Variants in ABCA10 observed in about 807,000 individuals in gnomAD.
The protein encoded by ABCA10 is ATP binding cassette subfamily A member 10.
A neutral mutation model predicts 187.5 loss-of-function variants in ABCA10; 169 were observed. The observed-to-expected ratio is 0.90, with a 90% CI of 0.80 to 1.02. The LOEUF (loss-of-function observed/expected upper bound fraction) is 1.02. Among genes scored for constraint, ABCA10 ranks in the 50% least tolerant of loss-of-function variants. ABCA10 has a pLI of 0.00. For synonymous variants in ABCA10, 574 were observed against 601.8 expected (o/e 0.95, Z 0.68); for missense variants, 1,727 against 1,812.4 (o/e 0.95, Z 0.86).
chr17:69,200,880 T>A (rs889573115), intron 10 of ABCA10, among the ~76,000 whole-genome samples: 1 of 152,144 alleles, frequency 6.6e-6, no homozygotes, highest in African/African-American at 2.4e-5. Flanking sequence ...GCCTGGCTAA[T>A]TTTTGTATTT....
At chr17:69,212,335 G>A (rs867248233) in intron 9 of ABCA10, among the ~76,000 whole-genome samples, 9 of 152,246 alleles carry the variant, frequency 5.9e-5, no homozygotes, top group South Asian at 2.1e-4. Flanking sequence ...ACTGTGGTCT[G>A]AGACAGTGCT....
intron 3 of ABCA10, among the ~76,000 whole-genome samples, chr17:69,224,468 A>C (rs2074776513): frequency 6.6e-6 from 1 of 152,134 alleles, no homozygotes; most frequent in Non-Finnish European, 1.5e-5. Context: ...GCAGGAGCAA[A>C]GGCCTCTATG....
intron 3 of ABCA10, among the ~76,000 whole-genome samples, chr17:69,224,938 A>G (rs2074781380): frequency 6.6e-6 from 1 of 152,150 alleles, no homozygotes; most frequent in African/African-American, 2.4e-5. Context: ...ATTGAAAATA[A>G]TTAAATCCTT....
chr17:69,202,119 G>A (rs536395336), intron 9 of ABCA10, among the ~76,000 whole-genome samples: 2 of 152,270 alleles, frequency 1.3e-5, no homozygotes, highest in South Asian at 4.1e-4. Flanking sequence ...GTGCATTAAA[G>A]TTAAGACAGT....
chr17:69,165,680 G>A (rs979692687), intron 25 of ABCA10, among the ~76,000 whole-genome samples: 2 of 152,018 alleles, frequency 1.3e-5, no homozygotes, highest in African/African-American at 2.4e-5. Flanking sequence ...AAATTCATAT[G>A]ACATTCCAAA....
At chr17:69,191,422 T>C (rs1481743688) in intron 16 of ABCA10, 107 bp from the exon 17 acceptor site, 1 of 1,145,122 alleles carries the variant, frequency 8.7e-7, no homozygotes, top group Non-Finnish European at 1.1e-6. Context: ...AGGCATATTC[T>C]ACTTAACTCT....
intron 10 of ABCA10, among the ~76,000 whole-genome samples, chr17:69,200,576 T>C (rs2074536114): frequency 6.6e-6 from 1 of 152,252 alleles, no homozygotes; most frequent in Non-Finnish European, 1.5e-5. Flanking sequence ...TTCTTATTTG[T>C]TTACTTTCAG....
intron 31 of ABCA10, 105 bp downstream of exon 31, chr17:69,154,130 T>A: frequency 6.9e-7 from 1 of 1,442,918 alleles, no homozygotes; most frequent in Non-Finnish European, 9.3e-7. Context: ...AGAAATTTTA[T>A]AAATTCTTTC....
In ABCA10 at chr17:69,219,582, G is replaced by A. The variant is rs2074730555; in HGVS notation, c.493C>T (p.Leu165=). The A allele has an allele frequency of 1.9e-6, 3 of 1,607,582 alleles. No homozygotes were observed. Among genetic ancestry groups the A allele is most frequent in the African/African-American group, 1.3e-5 (1 of 74,620 alleles). Residue 165 remains leucine, a synonymous_variant, in exon 6 of 39, where the codon CTG becomes TTG. Coordinates refer to ENST00000690296, the MANE Select transcript of ABCA10 (RefSeq NM_001377321.1). ...TCTCGGAGACCCATCACTGTCATCA[G>A]TTTCTTAAATTTTCCTCTTTCCCTT... is the stretch of plus-strand genomic sequence containing the variant. ...VARERGKFKK[L]MTVMGLRESA...
intron 1 of ABCA10, chr17:69,233,859 C>T (rs74400432): frequency 6.6e-6 from 1 of 152,244 alleles, no homozygotes; most frequent in Non-Finnish European, 1.5e-5. Flanking sequence ...ATGCAGCTTT[C>T]TAGCCCAGAT....
intron 25 of ABCA10, among the ~76,000 whole-genome samples, chr17:69,166,726 T>G (rs1441118085): frequency 6.6e-6 from 1 of 152,170 alleles, no homozygotes; most frequent in Non-Finnish European, 1.5e-5. Flanking sequence ...GAAAGCAGCT[T>G]CCGCCAATCA....
At chr17:69,211,506 G>A (rs1025786722) in intron 9 of ABCA10, among the ~76,000 whole-genome samples, 1 of 151,400 alleles carries the variant, frequency 6.6e-6, no homozygotes, top group African/African-American at 2.4e-5. Context: ...AATGATTTAG[G>A]GAGGATTCCC....
At chr17:69,163,736 A>G (rs1364566681) in intron 27 of ABCA10, among the ~76,000 whole-genome samples, 1 of 152,038 alleles carries the variant, frequency 6.6e-6, no homozygotes, top group Non-Finnish European at 1.5e-5. Context: ...TTTCCTCCTC[A>G]TTATTCAAAT....
rs3842375 is a variant in ABCA10, at chr17:69,149,049, TGA to T, written c.4515_4516del (p.Gln1506GlyfsTer12). Reference sequence around the variant, plus strand: ...AAAACCCACCTGCTCCAAGGTAGCCTGAGAGAGGCTGTATTCCTCCAGGTTGA... The same window carrying T: ...AAAACCCACCTGCTCCAAGGTAGCCTGAGAGGCTGTATTCCTCCAGGTTGA... On this transcript the variant is annotated frameshift_variant, in exon 38 of 39. Coordinates refer to ENST00000690296, the MANE Select transcript of ABCA10 (RefSeq NM_001377321.1). LOFTEE classifies it low-confidence loss of function (END_TRUNC). 98,899 of 1,613,668 alleles carry T rather than the reference TGA, an allele frequency of 0.061. 3,740 individuals are homozygous for T. Among genetic ancestry groups the T allele is most frequent in the Admixed American group, 0.16 (9,728 of 59,988 alleles).
upstream of ABCA10, chr17:69,233,506 C>T (rs900318081): frequency 2.0e-5 from 3 of 152,092 alleles, no homozygotes; most frequent in Non-Finnish European, 4.4e-5. Flanking sequence ...CTTAAAACAG[C>T]TATTTTACAT....
At chr17:69,213,571 T>C (rs1336664632) in intron 9 of ABCA10, among the ~76,000 whole-genome samples, 2 of 152,178 alleles carry the variant, frequency 1.3e-5, no homozygotes, top group Non-Finnish European at 2.9e-5. Flanking sequence ...TCACTCCCAC[T>C]GTGCCCCCAC....
intron 1 of ABCA10, among the ~76,000 whole-genome samples, chr17:69,238,762 G>A (rs2144868133): frequency 6.6e-6 from 1 of 152,260 alleles, no homozygotes; most frequent in South Asian, 2.1e-4. Flanking sequence ...CCTCCTCCTA[G>A]GGACCCAACT....
At chr17:69,214,952 AT>A in intron 8 of ABCA10, 101 bp from the exon 9 acceptor site, 2 of 800,076 alleles carry the variant, frequency 2.5e-6, no homozygotes, top group Non-Finnish European at 3.6e-6. Context: ...TGTAATTAAT[AT>A]TTTAATACCT....
intron 1 of ABCA10, among the ~76,000 whole-genome samples, chr17:69,238,585 CTT>C (rs2074886232): frequency 2.6e-5 from 4 of 152,174 alleles, no homozygotes; most frequent in African/African-American, 9.7e-5. Context: ...CATGATGATA[CTT>C]TACTTTGAGT....
Sources: allele counts gnomAD v4.1 joint callset (sites outside exome capture counted in the v4.1 genomes callset), GRCh38; gene constraint gnomAD v4.1.1; transcripts MANE v1.5; gene names NCBI Gene and HGNC (gene_info 2026-07-23, HGNC 2026-07-21).